The following TEAD4 variants were observed in gnomAD, a reference collection of about 807,000 sequenced individuals.
TEAD4 encodes transcriptional enhancer factor TEF-3.
In TEAD4, 36 loss-of-function variants were observed where a neutral mutation model predicts 52.4. The observed-to-expected ratio is 0.69, with a 90% CI of 0.53 to 0.91. TEAD4 has a LOEUF of 0.91. Ranked by LOEUF, TEAD4 falls within the 40% of genes least tolerant of loss-of-function variation. TEAD4 has a pLI of 0.00. For synonymous variants in TEAD4, 220 were observed against 231.0 expected, an observed-to-expected ratio of 0.95 and a Z score of 0.43; for missense variants, 508 against 583.9, an observed-to-expected ratio of 0.87 and a Z score of 1.34.
chr12:3,023,010 C>T (rs73044523), intron 10 of TEAD4, among the ~76,000 whole-genome samples: 2 of 152,306 alleles, frequency 1.3e-5, no homozygotes, highest in African/African-American at 2.4e-5. Context: ...TTTATATAGA[C>T]GTTCAGATGG....
At chr12:2,981,549 C>T (rs1248899338) in intron 2 of TEAD4, among the ~76,000 whole-genome samples, 2 of 152,214 alleles carry the variant, frequency 1.3e-5, no homozygotes, top group Non-Finnish European at 1.5e-5. Context: ...TCTGACACTC[C>T]ATAGCACTTA....
chr12:2,964,060 C>T (rs779966246), intron 2 of TEAD4, among the ~76,000 whole-genome samples: 7 of 150,522 alleles, frequency 4.7e-5, no homozygotes, highest in Non-Finnish European at 7.4e-5. Context: ...GTGCAGAGGG[C>T]GCTGGGGAGG....
intron 10 of TEAD4, among the ~76,000 whole-genome samples, chr12:3,032,797 C>T (rs374349942): frequency 6.6e-5 from 10 of 152,284 alleles, no homozygotes; most frequent in East Asian, 5.8e-4. Flanking sequence ...CTCCCTCCTC[C>T]GCATGTGTGG....
chr12:3,011,150 G>GGA (rs1373960724), intron 4 of TEAD4, 82 bp downstream of exon 4: 12 of 1,481,812 alleles, frequency 8.1e-6, no homozygotes, highest in Admixed American at 1.7e-5. Flanking sequence ...GGCCCTCCCA[G>GGA]GACCAGACGC....
At chr12:3,013,259 AT>A (rs77874270) in intron 5 of TEAD4, among the ~76,000 whole-genome samples, 2,741 of 131,856 alleles carry the variant, frequency 0.021, 71 homozygotes, top group African/African-American at 0.049. Flanking sequence ...GCCTGCAAAC[AT>A]TTTTTTTTTT....
intron 2 of TEAD4, among the ~76,000 whole-genome samples, chr12:2,963,061 T>G (rs2098217163): frequency 6.6e-6 from 1 of 152,184 alleles, no homozygotes; most frequent in Non-Finnish European, 1.5e-5. Flanking sequence ...CACATAGCTG[T>G]TCTGGGGAAG....
rs1329251947 is a variant in TEAD4 at position 2,962,122 on chromosome 12, T to C, written c.-30+2082T>C. On this transcript the variant is annotated intron_variant, in intron 2 of 12. Transcript: ENST00000359864. Reference sequence around the variant, plus strand: ...ATTTTATTTTACTTTATTTTTATTTTATTTTATTTTATTTATTTTTGAGAC... The same window carrying C: ...ATTTTATTTTACTTTATTTTTATTTCATTTTATTTTATTTATTTTTGAGAC... Among the ~76,000 whole-genome samples, 8 of 150,678 alleles carry C rather than the reference T, an allele frequency of 5.3e-5. No individual in the cohort carries two copies. In the East Asian group the frequency reaches 1.6e-3, roughly 29 times the overall value.
intron 10 of TEAD4, among the ~76,000 whole-genome samples, chr12:3,028,949 A>G (rs1172262194): frequency 1.3e-5 from 2 of 152,078 alleles, no homozygotes; most frequent in African/African-American, 4.8e-5. Flanking sequence ...CATTTTTATA[A>G]TAAATTGGGT....
At chr12:2,971,702 C>T (rs2098225203) in intron 2 of TEAD4, among the ~76,000 whole-genome samples, 1 of 151,798 alleles carries the variant, frequency 6.6e-6, no homozygotes, top group Non-Finnish European at 1.5e-5. Context: ...GTCTCGATCT[C>T]CTGACCTCAT....
chr12:3,013,565 C>T (rs1038916654), intron 5 of TEAD4, among the ~76,000 whole-genome samples: 1 of 152,130 alleles, frequency 6.6e-6, no homozygotes, highest in Non-Finnish European at 1.5e-5. Context: ...GAAACCCTGT[C>T]TCTACTAAAA....
At chr12:2,964,561 G>A (rs1273454035) in intron 2 of TEAD4, among the ~76,000 whole-genome samples, 1 of 151,466 alleles carries the variant, frequency 6.6e-6, no homozygotes, top group South Asian at 2.1e-4. Context: ...GGATTCAAGC[G>A]ATTCTCCTGC....
rs1292023322 is a variant in TEAD4 at position 3,017,484 on chromosome 12, C to G, written c.441C>G (p.Ser147Arg). The G allele has an allele frequency of 3.7e-6, 6 of 1,614,064 alleles. No homozygotes were observed. The Admixed American group carries it at 8.3e-5, about 22-fold the overall frequency. ...TCTCCGCCACGGCCTTCCACAGTAG[C>G]ATGGCCCTCGCCCGGGGCCCCGGCC... is the stretch of plus-strand genomic sequence containing the variant. Residue 147 changes from serine (S) to arginine (R), a missense_variant, in exon 6 of 13, where the codon AGC becomes AGG. Coordinates refer to ENST00000359864, the MANE Select transcript of TEAD4 (RefSeq NM_003213.4).
intron 2 of TEAD4, among the ~76,000 whole-genome samples, chr12:2,964,601 GT>G (rs2033319464): frequency 6.6e-6 from 1 of 151,478 alleles, no homozygotes; most frequent in South Asian, 2.1e-4. Flanking sequence ...GGGATTACAG[GT>G]GCCTGCCACC....
At chr12:3,000,733 G>C (rs952656383) in intron 3 of TEAD4, among the ~76,000 whole-genome samples, 2 of 152,180 alleles carry the variant, frequency 1.3e-5, no homozygotes, top group Non-Finnish European at 2.9e-5. Context: ...GGGTTTGGGG[G>C]ACCCTGGTGG....
chr12:2,975,779 C>T (rs2098229141), intron 2 of TEAD4, among the ~76,000 whole-genome samples: 1 of 152,138 alleles, frequency 6.6e-6, no homozygotes, highest in Non-Finnish European at 1.5e-5. Context: ...TGTGTACCCA[C>T]CATTACAGTA....
intron 3 of TEAD4, among the ~76,000 whole-genome samples, chr12:2,996,699 C>T (rs1045221559): frequency 2.6e-5 from 4 of 152,212 alleles, no homozygotes; most frequent in South Asian, 2.1e-4. Flanking sequence ...TGTGAGCCAC[C>T]GCACCCAGCT....
chr12:2,974,409 G>A (rs917045468), intron 2 of TEAD4, among the ~76,000 whole-genome samples: 3 of 152,174 alleles, frequency 2.0e-5, no homozygotes, highest in Non-Finnish European at 4.4e-5. Flanking sequence ...AATGACCAAG[G>A]CCAGGATGGA....
chr12:3,014,554 A>T (rs575445899), intron 5 of TEAD4, among the ~76,000 whole-genome samples: 7 of 152,242 alleles, frequency 4.6e-5, no homozygotes, highest in Non-Finnish European at 8.8e-5. Context: ...TCCAATAGAA[A>T]TCCCTGAGTG....
intron 2 of TEAD4, among the ~76,000 whole-genome samples, chr12:2,986,234 A>G (rs948571799): frequency 6.6e-6 from 1 of 152,136 alleles, no homozygotes; most frequent in Non-Finnish European, 1.5e-5. Flanking sequence ...TCGCATGGAG[A>G]TATCATCTCC....
Sources: allele counts gnomAD v4.1 joint callset (sites outside exome capture counted in the v4.1 genomes callset), GRCh38; gene constraint gnomAD v4.1.1; transcripts MANE v1.5; gene names NCBI Gene and HGNC (gene_info 2026-07-23, HGNC 2026-07-21).